Variants in LAMB4 observed in about 807,000 individuals in gnomAD.
LAMB4 encodes laminin subunit beta 4.
Under a neutral mutation model 199.2 loss-of-function variants are expected in LAMB4, and 196 were observed. The ratio of observed to expected loss-of-function variants is 0.98; its 90% CI spans 0.88 to 1.11. LAMB4 has a LOEUF of 1.11. Among genes scored for constraint, LAMB4 ranks in the 50% least tolerant of loss-of-function variants. The probability of loss-of-function intolerance (pLI) is 0.00; values close to 1 mark genes in which losing one functional copy is unlikely to be tolerated. For missense variants in LAMB4, 2,080 were observed against 2,171.2 expected (o/e 0.96, Z 0.83); for synonymous variants, 744 against 770.6 (o/e 0.97, Z 0.57).
chr7:108,077,193 G>T, intron 16 of LAMB4, 129 bp from the exon 17 acceptor site: 1 of 882,168 alleles, frequency 1.1e-6, no homozygotes, highest in Non-Finnish European at 1.7e-6. Context: ...TGAGGCCAGT[G>T]TAGGTCTAGA....
At chr7:108,107,097 A>C (rs541710068) in intron 6 of LAMB4, among the ~76,000 whole-genome samples, 1 of 152,332 alleles carries the variant, frequency 6.6e-6, no homozygotes, top group African/African-American at 2.4e-5. Context: ...ATGGAGTGAC[A>C]GACAATTTGG....
In LAMB4 at chr7:108,106,549, G is replaced by A. The variant is rs1391929263; in HGVS notation, c.615C>T (p.Pro205=). The change falls in exon 7 of 34, where the codon CCC becomes CCT. Residue 205 remains proline (P), a synonymous_variant. Transcript: ENST00000388781. ...TATAAGGGTTTTCAATTTCAAAACTGGGATCCAAAACTTTTAAAACAACCT... is the reference window on the plus strand; with the variant it reads ...TATAAGGGTTTTCAATTTCAAAACTAGGATCCAAAACTTTTAAAACAACCT... The part of the protein sequence containing the change: ...GGEVVLKVLD[P]SFEIENPYSP... 6.3e-7 allele frequency: 1 copy of A among 1,578,972 alleles called. No individual in the cohort carries two copies. The highest frequency in any genetic ancestry group is 1.7e-5 in the Admixed American group (1 of 59,612).
rs569957337 is a variant in LAMB4, at chr7:108,104,544, C to T, written c.946G>A (p.Ala316Thr). The T allele has an allele frequency of 1.9e-6, 3 of 1,614,198 alleles. No homozygotes were observed. In the South Asian group the frequency reaches 3.3e-5, roughly 18 times the overall value. The change falls in exon 9 of 34, where the codon GCT becomes ACT. Residue 316 changes from alanine (A) to threonine (T), a missense_variant. Physicochemically the swap from Ala to Thr is moderately conservative, Grantham distance 58. Transcript: ENST00000388781. ...CERCKDFFQD[A>T]PWRPAADLQD... ...AGGTCTGCAGCTGGCCTCCAAGGAGCATCCTGGAAGAAGTCCTTGCATCTC... is the reference window on the plus strand; with the variant it reads ...AGGTCTGCAGCTGGCCTCCAAGGAGTATCCTGGAAGAAGTCCTTGCATCTC...
chr7:108,033,735 ATTTTTTT>A (rs556578520), intron 31 of LAMB4, among the ~76,000 whole-genome samples: 12 of 102,076 alleles, frequency 1.2e-4, no homozygotes, highest in Admixed American at 1.0e-3. Context: ...TTGGATGAGT[ATTTTTTT>A]TTTTTTTTTT....
chr7:108,063,806 A>G lies in LAMB4; in HGVS notation c.3016T>C (p.Cys1006Arg). ...GCTGATCCATAGTGACCTGGTTTGC[A>G]GAGCTGGCAGTTTGCGCCCTGAGTG... The part of the protein sequence containing the change: ...HNTQGANCQL[C>R]KPGHYGSALN... Residue 1006 changes from cysteine (C) to arginine (R), a missense_variant, in exon 22 of 34, where the codon TGC (cysteine) becomes CGC (arginine). By Grantham distance (180) the Cys-to-Arg change is radical. Transcript: ENST00000388781. 1 of 1,614,238 alleles carries G rather than the reference A, an allele frequency of 6.2e-7. No homozygotes were observed. The highest frequency in any genetic ancestry group is 8.5e-7 in the Non-Finnish European group (1 of 1,180,026).
Position 108,024,136 on chromosome 7 carries a change from G to T in LAMB4, c.5189C>A (p.Ala1730Glu). 1 of 1,592,092 alleles carries T rather than the reference G, an allele frequency of 6.3e-7. No individual in the cohort carries two copies. The highest frequency in any genetic ancestry group is 2.3e-5 in the East Asian group (1 of 44,356). The change falls in exon 34 of 34, where the codon GCA (alanine) becomes GAA (glutamate). Residue 1730 changes from alanine to glutamate, a missense_variant. Coordinates refer to ENST00000388781, the MANE Select transcript of LAMB4 (RefSeq NM_007356.3). ...KIQDLNLSRQ[A>E]KADQLRILED... ...CAATATTCTCAGTTGATCAGCTTTTGCTTGTCTACTTAGATTCAAATCTTG... is the reference window on the plus strand; with the variant it reads ...CAATATTCTCAGTTGATCAGCTTTTTCTTGTCTACTTAGATTCAAATCTTG...
At chr7:108,047,106 A>G (rs146578419) in intron 28 of LAMB4, among the ~76,000 whole-genome samples, 1 of 152,098 alleles carries the variant, frequency 6.6e-6, no homozygotes, top group Admixed American at 6.5e-5. Flanking sequence ...TGACATTTCT[A>G]TGTAGGTTTT....
chr7:108,082,329 T>TAAAA (rs34929844), intron 14 of LAMB4, among the ~76,000 whole-genome samples: 1 of 104,652 alleles, frequency 9.6e-6, no homozygotes. Context: ...GACTCCGTCT[T>TAAAA]AAAAAAAAAA....
At chr7:108,100,773 A>G (rs2037787887) in intron 10 of LAMB4, among the ~76,000 whole-genome samples, 1 of 152,236 alleles carries the variant, frequency 6.6e-6, no homozygotes, top group Admixed American at 6.5e-5. Flanking sequence ...CATAGTTTTA[A>G]AACAATAAAA....
chr7:108,107,257 C>T (rs566268594), intron 6 of LAMB4, among the ~76,000 whole-genome samples: 6 of 152,290 alleles, frequency 3.9e-5, no homozygotes, highest in South Asian at 2.1e-4. Flanking sequence ...GGGATGTTCC[C>T]GGCAGATTCC....
chr7:108,115,890 T>C (rs765408655), intron 3 of LAMB4, 114 bp downstream of exon 3: 87 of 1,139,308 alleles, frequency 7.6e-5, no homozygotes, highest in Middle Eastern at 2.1e-4. Flanking sequence ...AGTGTCTCCA[T>C]TGTTTAAAAA....
Position 108,030,998 on chromosome 7 carries a change from C to G in LAMB4, c.4819-19G>C, listed in dbSNP as rs1208230843. On this transcript the variant is annotated intron_variant, in intron 31 of 33. Coordinates refer to ENST00000388781, the MANE Select transcript of LAMB4 (RefSeq NM_007356.3). ...TTTCAGCCTGTTGTTGATTTAAAGA[C>G]CAAAAAGGGAAAATCTCTTTATGAA... 1.9e-6 allele frequency: 3 copies of G among 1,598,776 alleles called. No homozygotes were observed. The highest frequency in any genetic ancestry group is 2.6e-6 in the Non-Finnish European group (3 of 1,171,772).
chr7:108,122,343 C>T (rs2038630392), intron 2 of LAMB4, among the ~76,000 whole-genome samples: 2 of 152,118 alleles, frequency 1.3e-5, no homozygotes, highest in African/African-American at 2.4e-5. Context: ...GAACTGAGGG[C>T]TCCAGATGAA....
At chr7:108,088,628 G>A (rs985273393) in intron 14 of LAMB4, among the ~76,000 whole-genome samples, 2 of 152,214 alleles carry the variant, frequency 1.3e-5, no homozygotes, top group African/African-American at 4.8e-5. Context: ...ATAAGATGCA[G>A]TTGGGTTTGC....
chr7:108,029,915 T>C (rs745521173), intron 32 of LAMB4, among the ~76,000 whole-genome samples: 8 of 152,022 alleles, frequency 5.3e-5, no homozygotes, highest in Non-Finnish European at 1.2e-4. Context: ...GTTAGGAGAT[T>C]GAGACCATCC....
intron 19 of LAMB4, among the ~76,000 whole-genome samples, chr7:108,067,165 T>C (rs1004438880): frequency 6.6e-6 from 1 of 152,104 alleles, no homozygotes. Flanking sequence ...TTCCTTTGTC[T>C]AGATCCCTCT....
rs575474183 is a variant in LAMB4 at position 108,116,129 on chromosome 7, A to T, written c.67T>A (p.Cys23Ser). 6.2e-7 allele frequency: 1 copy of T among 1,614,036 alleles called. No individual in the cohort carries two copies. The highest frequency in any genetic ancestry group is 1.7e-5 in the Admixed American group (1 of 60,014). ...GTGGGATGACAGGCACCCCTGTTGC[A>T]GTCATCTTGAGCTTTTGAGTAACTG... ...WLSYSKAQDD[C>S]NRGACHPTTG... Residue 23 changes from cysteine (C) to serine (S), a missense_variant, in exon 3 of 34, where the codon TGC (cysteine) becomes AGC (serine). Cys to Ser is a moderately radical substitution (Grantham distance 112). Coordinates refer to ENST00000388781, the MANE Select transcript of LAMB4 (RefSeq NM_007356.3).
At position 108,024,055 on chromosome 7, in the gene LAMB4, G is replaced by T. The variant is rs2034751538; in HGVS notation, c.5270C>A (p.Ala1757Asp). The change falls in exon 34 of 34, where the codon GCT (alanine) becomes GAT (aspartate). Residue 1757 changes from alanine to aspartate, a missense_variant. Physicochemically the swap from Ala to Asp is moderately radical, Grantham distance 126 (BLOSUM62 -2). Coordinates refer to ENST00000388781, the MANE Select transcript of LAMB4 (RefSeq NM_007356.3). ...TAACTCTGCCTAGCTATAGCACCTA[G>T]CATATTTTTTTTCTTGTTCAACAAT... ...NEIVEQEKKY[A>D]RCYS 6.2e-7 allele frequency: 1 copy of T among 1,608,996 alleles called. No homozygotes were observed. Among genetic ancestry groups the T allele is most frequent in the African/African-American group, 1.3e-5 (1 of 74,634 alleles).
At chr7:108,097,735 TAAAC>T (rs1242515850) in intron 11 of LAMB4, among the ~76,000 whole-genome samples, 2 of 150,988 alleles carry the variant, frequency 1.3e-5, no homozygotes, top group Admixed American at 6.6e-5. Context: ...AATAAATAAA[TAAAC>T]AAACCACCAC....
Sources: allele counts gnomAD v4.1 joint callset (sites outside exome capture counted in the v4.1 genomes callset), GRCh38; gene constraint gnomAD v4.1.1; transcripts MANE v1.5; gene names NCBI Gene and HGNC (gene_info 2026-07-23, HGNC 2026-07-21).